The following CERCAM variants were observed in gnomAD, a reference collection of about 807,000 sequenced individuals.
CERCAM encodes inactive glycosyltransferase 25 family member 3.
In CERCAM, 59 loss-of-function variants were observed where a neutral mutation model predicts 66.0. That is an observed-to-expected ratio of 0.89 (90% CI 0.73 to 1.11). The LOEUF is 1.11. CERCAM is among the 50% of genes most tolerant of loss of function. CERCAM has a pLI of 0.00. For missense variants in CERCAM, 840 were observed against 828.3 expected, an observed-to-expected ratio of 1.01 and a Z score of -0.17; for synonymous variants, 318 against 343.6, an observed-to-expected ratio of 0.93 and a Z score of 0.83.
chr9:128,434,104 G>A lies in CERCAM; in HGVS notation c.1206G>A (p.Val402=). 2 of 1,614,102 alleles carry A rather than the reference G, an allele frequency of 1.2e-6. No individual in the cohort carries two copies. Among genetic ancestry groups the A allele is most frequent in the Non-Finnish European group, 1.7e-6 (2 of 1,179,994 alleles). ...TCCCACCCCATTGTATGCCACAGGTGGTTGCCAGGGGCCTGGCCCGGGTCC... is the reference window on the plus strand; with the variant it reads ...TCCCACCCCATTGTATGCCACAGGTAGTTGCCAGGGGCCTGGCCCGGGTCC... The part of the protein sequence containing the change: ...FLSHYSIWEE[V]VARGLARVLV... Residue 402 remains valine, a splice_region_variant and synonymous_variant, in exon 10 of 13, where the codon GTG becomes GTA. Transcript: ENST00000372838. The surrounding 1 kb of genome is among the most constrained non-coding windows in gnomAD (Gnocchi z 4.5).
chr9:128,422,742 C>T (rs1833739234), intron 1 of CERCAM, 126 bp from the exon 2 acceptor site: 3 of 1,082,548 alleles, frequency 2.8e-6, no homozygotes, highest in Non-Finnish European at 3.9e-6. Flanking sequence ...TCTGCTGTAG[C>T]ACACCTACCC....
chr9:128,421,631 T>G, intron 1 of CERCAM: 1 of 665,772 alleles, frequency 1.5e-6, no homozygotes, highest in Non-Finnish European at 1.9e-6. Flanking sequence ...CGGGATCCTG[T>G]CAGCCAAGGG....
intron 9 of CERCAM, chr9:128,431,564 G>C (rs1157865640): frequency 2.3e-6 from 1 of 439,654 alleles, no homozygotes; most frequent in African/African-American, 2.0e-5. Flanking sequence ...AACAATGCAT[G>C]TCTGCTCCTT....
chr9:128,435,788 T>C lies in CERCAM; in HGVS notation c.1671T>C (p.Asp557=), dbSNP rs1834096925. 1.9e-6 allele frequency: 3 copies of C among 1,612,982 alleles called. No individual in the cohort carries two copies. Among genetic ancestry groups the C allele is most frequent in the Non-Finnish European group, 2.5e-6 (3 of 1,179,782 alleles). ...CGGAGACATCCTCTCCATGGGATGATGACAGCGGCCGCCTCATCAGCTGGA... is the reference window on the plus strand; with the variant it reads ...CGGAGACATCCTCTCCATGGGATGACGACAGCGGCCGCCTCATCAGCTGGA... The part of the protein sequence containing the change: ...SDTETSSPWD[D]DSGRLISWSG... The change falls in exon 12 of 13, where the codon GAT becomes GAC. Residue 557 remains aspartate, a synonymous_variant. Transcript: ENST00000372838.
At chr9:128,421,228 A>G (rs1172275150) in intron 1 of CERCAM, 154 bp downstream of exon 1, 2 of 1,235,696 alleles carry the variant, frequency 1.6e-6, no homozygotes, top group East Asian at 3.2e-5. Context: ...CCGAGCCGCC[A>G]GAGAGGACCC....
At chr9:128,428,645 T>G in intron 6 of CERCAM, 112 bp from the exon 7 acceptor site, 1 of 1,259,050 alleles carries the variant, frequency 7.9e-7, no homozygotes, top group Non-Finnish European at 1.2e-6. Context: ...GGTCCCGTCC[T>G]GTGGGGTGTT....
Position 128,434,114 on chromosome 9 carries a change from G to T in CERCAM, c.1216G>T (p.Gly406Cys). The change falls in exon 10 of 13, where the codon GGC (glycine) becomes TGC (cysteine). Residue 406 changes from glycine (G) to cysteine (C), a missense_variant. Transcript: ENST00000372838. This position sits in a 1 kb window ranked among gnomAD's most constrained non-coding sequence, Gnocchi z 4.5. ...YSIWEEVVAR[G>C]LARVLVFEDD... The stretch of plus-strand genomic sequence containing the variant: ...TTGTATGCCACAGGTGGTTGCCAGG[G>T]GCCTGGCCCGGGTCCTGGTGTTTGA... The T allele has an allele frequency of 6.2e-7, 1 of 1,614,154 alleles. No individual in the cohort carries two copies. Among genetic ancestry groups the T allele is most frequent in the Non-Finnish European group, 8.5e-7 (1 of 1,180,010 alleles).
At chr9:128,424,384 C>A (rs369550752) in intron 4 of CERCAM, 26 bp from the exon 5 acceptor site, 1 of 1,613,518 alleles carries the variant, frequency 6.2e-7, no homozygotes, top group Admixed American at 1.7e-5. Context: ...AGCCCTCTCA[C>A]AGCCCAAAGC....
In CERCAM at chr9:128,424,471, T is replaced by G; in HGVS notation, c.623T>G (p.Phe208Cys). The change falls in exon 5 of 13, where the codon TTC becomes TGC. Residue 208 changes from phenylalanine (F) to cysteine (C), a missense_variant. Coordinates refer to ENST00000372838, the MANE Select transcript of CERCAM (RefSeq NM_016174.5). ...AAGAACCGCCAGCGCCGGGGCTGCT[T>G]CCGTGTCCCCATGGTCCACTCCACC... is the stretch of plus-strand genomic sequence containing the variant. ...PTKNRQRRGCFRVPMVHSTFL... is the reference protein window; with the variant it reads ...PTKNRQRRGCCRVPMVHSTFL... 1 of 1,613,948 alleles carries G rather than the reference T, an allele frequency of 6.2e-7. No individual in the cohort carries two copies. The highest frequency in any genetic ancestry group is 1.1e-5 in the South Asian group (1 of 91,056).
intron 1 of CERCAM, chr9:128,421,977 C>G (rs1470531163): frequency 6.6e-6 from 1 of 152,330 alleles, no homozygotes; most frequent in African/African-American, 2.4e-5. Context: ...GGCTAAACCC[C>G]CACCTCTGTT....
At chr9:128,419,161 G>A (rs945697956), upstream of CERCAM, 1 of 152,264 alleles carries the variant, frequency 6.6e-6, no homozygotes, top group Non-Finnish European at 1.5e-5. Flanking sequence ...TCATTGCAGG[G>A]CCGCTGGCCT....
intron 8 of CERCAM, 127 bp from the exon 9 acceptor site, chr9:128,431,044 G>T: frequency 2.6e-6 from 3 of 1,142,940 alleles, no homozygotes; most frequent in South Asian, 3.0e-5. Context: ...TCACACAAAG[G>T]AGTTACAAGG....
At chr9:128,423,393 G>C (rs2131327439) in intron 3 of CERCAM, 130 bp downstream of exon 3, 1 of 718,704 alleles carries the variant, frequency 1.4e-6, no homozygotes, top group East Asian at 2.5e-5. Flanking sequence ...AAGGCAGGTG[G>C]ATCACCTGAG....
chr9:128,424,693 C>A, intron 5 of CERCAM, 79 bp downstream of exon 5: 1 of 1,272,798 alleles, frequency 7.9e-7, no homozygotes, highest in South Asian at 1.2e-5. Context: ...TTACCATGCC[C>A]TTCCCTACTC....
In CERCAM at chr9:128,423,400, T is replaced by A. The variant is rs1588615026; in HGVS notation, c.426+137T>A. 7.2e-6 allele frequency: 5 copies of A among 695,486 alleles called. No individual in the cohort carries two copies. The East Asian group carries it at 1.3e-4, about 18-fold the overall frequency. The allele number at this position is 695,486 out of a possible 1,614,324, so 43.1% of individuals were successfully genotyped here. ...GGGAGGCCAAGGCAGGTGGATCACC[T>A]GAGGTCAGAAGTTCGAGACCAGCCT... is the stretch of plus-strand genomic sequence containing the variant. On this transcript the variant is annotated intron_variant, in intron 3 of 12. Transcript: ENST00000372838.
chr9:128,429,454 C>G (rs1163129425), intron 8 of CERCAM, among the ~76,000 whole-genome samples: 2 of 152,170 alleles, frequency 1.3e-5, no homozygotes, highest in East Asian at 3.9e-4. Flanking sequence ...TATTATTACT[C>G]TCCATCCTGG....
chr9:128,431,429 T>C (rs771068269), intron 9 of CERCAM, 126 bp downstream of exon 9: 57 of 1,306,140 alleles, frequency 4.4e-5, no homozygotes, highest in Non-Finnish European at 5.7e-5. Context: ...CAGCTTTCAA[T>C]CTCCTCTGTG....
chr9:128,422,910 G>T lies in CERCAM; in HGVS notation c.240G>T (p.Leu80=). The change falls in exon 2 of 13, where the codon CTG becomes CTT. Residue 80 remains leucine (L), a synonymous_variant. Coordinates refer to ENST00000372838, the MANE Select transcript of CERCAM (RefSeq NM_016174.5). ...ATGTGGACAACACCACAGAGATGCT[G>T]CAGGAGTGGCTGGCGGCTGTGGGCG... is the stretch of plus-strand genomic sequence containing the variant. ...DHNVDNTTEM[L]QEWLAAVGDD... is the part of the protein sequence containing the mutation. 6.2e-7 allele frequency: 1 copy of T among 1,614,148 alleles called. No homozygotes were observed. Among genetic ancestry groups the T allele is most frequent in the Non-Finnish European group, 8.5e-7 (1 of 1,180,034 alleles).
intron 9 of CERCAM, among the ~76,000 whole-genome samples, chr9:128,433,683 G>T (rs1383901950): frequency 1.3e-5 from 2 of 152,158 alleles, no homozygotes; most frequent in East Asian, 3.8e-4. Context: ...GACAAGCTGG[G>T]CCCTGGTGTT....
Sources: allele counts gnomAD v4.1 joint callset (sites outside exome capture counted in the v4.1 genomes callset), GRCh38; gene constraint gnomAD v4.1.1; non-coding constraint Gnocchi (gnomAD v3.1); transcripts MANE v1.5; gene names NCBI Gene and HGNC (gene_info 2026-07-23, HGNC 2026-07-21).